The following COL4A6 variants were observed in gnomAD, a reference collection of about 807,000 sequenced individuals.
COL4A6 encodes collagen type IV alpha 6 chain.
In COL4A6, 59 loss-of-function variants were observed where a neutral mutation model predicts 126.7. That is an observed-to-expected ratio of 0.47 (90% CI 0.38 to 0.58). The LOEUF (loss-of-function observed/expected upper bound fraction) is 0.58, where lower values mean the gene tolerates loss of function less well. COL4A6 is among the 20% of genes least tolerant of loss of function. The pLI is 0.00. For synonymous variants in COL4A6, 547 were observed against 496.6 expected, an observed-to-expected ratio of 1.10 and a Z score of -1.35; for missense variants, 1,285 against 1,337.3, an observed-to-expected ratio of 0.96 and a Z score of 0.61.
chrX:108,204,935 G>C (rs2035499604), intron 11 of COL4A6, among the ~76,000 whole-genome samples: 1 of 109,574 alleles, frequency 9.1e-6, no homozygotes, highest in South Asian at 4.1e-4. Flanking sequence ...ATGAGAGAAG[G>C]AGGGAAATAA....
intron 3 of COL4A6, among the ~76,000 whole-genome samples, chrX:108,246,565 T>A (rs749594099): frequency 1.3e-4 from 15 of 112,117 alleles, no homozygotes; most frequent in Non-Finnish European, 2.6e-4. Flanking sequence ...GTCAGATTTA[T>A]GGTTTGCCAA....
At chrX:108,363,386 A>G (rs772454962) in intron 2 of COL4A6, among the ~76,000 whole-genome samples, 1 of 111,989 alleles carries the variant, frequency 8.9e-6, no homozygotes, top group Non-Finnish European at 1.9e-5. Context: ...TCTAGTGGGC[A>G]TTTAGTAATA....
intron 2 of COL4A6, among the ~76,000 whole-genome samples, chrX:108,329,267 T>C (rs1295903408): frequency 8.9e-6 from 1 of 111,912 alleles, no homozygotes; most frequent in Non-Finnish European, 1.9e-5. Context: ...GTGATGGATA[T>C]GTTAATTACC....
At chrX:108,349,816 C>A (rs1402277556) in intron 2 of COL4A6, among the ~76,000 whole-genome samples, 1 of 111,853 alleles carries the variant, frequency 8.9e-6, no homozygotes. Context: ...AACATAAATA[C>A]AGATAATAGA....
chrX:108,270,765 G>A (rs928539989), intron 3 of COL4A6, among the ~76,000 whole-genome samples: 1 of 112,003 alleles, frequency 8.9e-6, no homozygotes, highest in African/African-American at 3.2e-5. Flanking sequence ...TGTTCTAAGA[G>A]TGGGTAAGTA....
At chrX:108,221,566 A>G in intron 3 of COL4A6, among the ~76,000 whole-genome samples, 192 bp from the exon 4 acceptor site, 1 of 112,675 alleles carries the variant, frequency 8.9e-6, no homozygotes, top group Non-Finnish European at 1.9e-5. Flanking sequence ...ATTTGGATAG[A>G]ACACATTTTA....
At chrX:108,407,388 T>G (rs911140380) in intron 2 of COL4A6, among the ~76,000 whole-genome samples, 7 of 112,331 alleles carry the variant, frequency 6.2e-5, no homozygotes, top group African/African-American at 2.3e-4. Flanking sequence ...ACAGTAATGT[T>G]GGAGAAAATG....
At position 108,175,809 on chromosome X, in the gene COL4A6, C is replaced by G; in HGVS notation, c.2687-12G>C. On this transcript the variant is annotated splice_polypyrimidine_tract_variant and intron_variant, in intron 28 of 44. Coordinates refer to ENST00000334504, the MANE Select transcript of COL4A6 (RefSeq NM_033641.4). ...AGACCCCTTCTCTCCTGTTGAAAAA[C>G]AAGAACTTTTATTATCACTCCCATT... 8.5e-7 allele frequency: 1 copy of G among 1,183,393 alleles called. No homozygotes were observed. The highest frequency in any genetic ancestry group is 1.1e-6 in the Non-Finnish European group (1 of 883,630).
At chrX:108,171,536 C>A in intron 32 of COL4A6, 75 bp from the exon 33 acceptor site, 1 of 904,395 alleles carries the variant, frequency 1.1e-6, no homozygotes, top group Non-Finnish European at 1.6e-6. Flanking sequence ...ATCTTTTGAA[C>A]ACATTTTTTT....
At chrX:108,170,992 T>C (rs1336044867) in intron 33 of COL4A6, 75 bp from the exon 34 acceptor site, 19 of 926,621 alleles carry the variant, frequency 2.1e-5, no homozygotes, top group Non-Finnish European at 2.9e-5. Flanking sequence ...AAAGAGTAGA[T>C]TCTGAATTGC....
chrX:108,422,854 T>C (rs984219003), intron 2 of COL4A6, among the ~76,000 whole-genome samples: 17 of 111,439 alleles, frequency 1.5e-4, no homozygotes, highest in African/African-American at 4.9e-4. Flanking sequence ...TCTTCTAACA[T>C]GACCATTGTG....
chrX:108,351,319 C>T (rs953068089), intron 2 of COL4A6, among the ~76,000 whole-genome samples: 7 of 111,274 alleles, frequency 6.3e-5, no homozygotes, highest in Non-Finnish European at 9.4e-5. Flanking sequence ...TTATACTTGT[C>T]TGCATTTTCT....
intron 2 of COL4A6, among the ~76,000 whole-genome samples, chrX:108,394,470 C>T (rs2040919076): frequency 9.0e-6 from 1 of 110,812 alleles, no homozygotes; most frequent in Admixed American, 9.6e-5. Flanking sequence ...GCGAAAACTT[C>T]AATTACTTTT....
intron 12 of COL4A6, 72 bp downstream of exon 12, chrX:108,204,248 A>C: frequency 1.2e-6 from 1 of 801,540 alleles, no homozygotes; most frequent in Non-Finnish European, 1.7e-6. Flanking sequence ...TCTGGTTATT[A>C]GAGTTAAGTT....
At chrX:108,186,882 C>G (rs1016950846) in intron 23 of COL4A6, among the ~76,000 whole-genome samples, 4 of 111,184 alleles carry the variant, frequency 3.6e-5, no homozygotes, top group Admixed American at 9.5e-5. Context: ...AAGTTCTTCA[C>G]GAAGTAGGGT....
chrX:108,203,034 A>C, intron 12 of COL4A6, 53 bp from the exon 13 acceptor site: 1 of 1,017,197 alleles, frequency 9.8e-7, no homozygotes, highest in African/African-American at 1.8e-5. Context: ...GTGAACGCAC[A>C]GTAGGATGGC....
At chrX:108,302,358 T>C (rs781484546) in intron 3 of COL4A6, among the ~76,000 whole-genome samples, 4 of 111,682 alleles carry the variant, frequency 3.6e-5, no homozygotes, top group African/African-American at 1.3e-4. Context: ...TCATTGAGAA[T>C]TGACATAAAT....
intron 2 of COL4A6, among the ~76,000 whole-genome samples, chrX:108,317,117 G>C (rs1414720397): frequency 2.7e-5 from 3 of 112,448 alleles, no homozygotes; most frequent in African/African-American, 9.7e-5. Context: ...GTTTATAACA[G>C]AGAGGCAGTT....
chrX:108,198,782 C>T (rs369016312), intron 13 of COL4A6, among the ~76,000 whole-genome samples: 1 of 111,333 alleles, frequency 9.0e-6, no homozygotes, highest in African/African-American at 3.3e-5. Flanking sequence ...GGAGGCTCAA[C>T]TGAAGAACCC....
Sources: allele counts gnomAD v4.1 joint callset (sites outside exome capture counted in the v4.1 genomes callset), GRCh38; gene constraint gnomAD v4.1.1; transcripts MANE v1.5; gene names NCBI Gene and HGNC (gene_info 2026-07-23, HGNC 2026-07-21).